NCOR2: variants seen among roughly 807,000 people sequenced by gnomAD.
NCOR2 encodes the protein CTG repeat protein 26.
NCOR2 carries 81 observed loss-of-function variants against 262.9 expected under a neutral mutation model. The observed-to-expected ratio is 0.31, with a 90% CI of 0.26 to 0.37. The LOEUF (loss-of-function observed/expected upper bound fraction) is 0.37, where lower values mean the gene tolerates loss of function less well. Among genes scored for constraint, NCOR2 ranks in the 10% least tolerant of loss-of-function variants. The pLI is 1.00. For synonymous variants in NCOR2, 1,659 were observed against 1,559.3 expected (o/e 1.06, Z -1.51); for missense variants, 3,385 against 3,621.4 (o/e 0.93, Z 1.68).
At chr12:124,474,583 A>C (rs1452695180) in intron 3 of NCOR2, among the ~76,000 whole-genome samples, 1 of 152,142 alleles carries the variant, frequency 6.6e-6, no homozygotes, top group Non-Finnish European at 1.5e-5. Flanking sequence ...CCCTGGGTTC[A>C]AATCCCAGCC....
At chr12:124,391,117 C>T (rs1321574417) in intron 16 of NCOR2, among the ~76,000 whole-genome samples, 2 of 152,250 alleles carry the variant, frequency 1.3e-5, no homozygotes, top group Non-Finnish European at 2.9e-5. Flanking sequence ...CCTGTGCTGC[C>T]GCTCAGATGC....
At chr12:124,500,925 G>T (rs963259589) in intron 1 of NCOR2, among the ~76,000 whole-genome samples, 2 of 152,116 alleles carry the variant, frequency 1.3e-5, no homozygotes, top group African/African-American at 4.8e-5. Context: ...GGGGCTCTGC[G>T]CCGCACGTGC....
chr12:124,479,929 C>T (rs1310003114), intron 3 of NCOR2, among the ~76,000 whole-genome samples: 2 of 152,226 alleles, frequency 1.3e-5, no homozygotes, highest in Admixed American at 6.5e-5. Context: ...ACCCAGCCTC[C>T]TTGGGCTGGG....
intron 1 of NCOR2, 75 bp downstream of exon 2, chr12:124,535,490 G>A (rs1294224045): frequency 6.6e-6 from 1 of 152,306 alleles, no homozygotes; most frequent in East Asian, 1.9e-4. Flanking sequence ...AGTAATTCCA[G>A]ACCCACTTCC....
intron 13 of NCOR2, 35 bp downstream of exon 15, chr12:124,419,922 C>G: frequency 1.3e-6 from 2 of 1,574,710 alleles, no homozygotes; most frequent in Non-Finnish European, 1.7e-6. Context: ...ATGCAGGGAG[C>G]CTGCAAGGAC....
intron 5 of NCOR2, among the ~76,000 whole-genome samples, chr12:124,461,431 C>A (rs1395793854): frequency 6.6e-6 from 1 of 152,248 alleles, no homozygotes; most frequent in Non-Finnish European, 1.5e-5. Context: ...AGCAGTGGCA[C>A]CCCTGCAGAG....
intron 37 of NCOR2, 45 bp downstream of exon 39, chr12:124,339,961 A>C: frequency 7.5e-7 from 1 of 1,342,118 alleles, no homozygotes; most frequent in South Asian, 1.2e-5. Flanking sequence ...CCTACTGACC[A>C]CCCATCCACC....
rs952490039 is a variant in NCOR2 at position 124,408,308 on chromosome 12, C to T, written c.1483-5747G>A. On this transcript the variant is annotated intron_variant, in intron 13 of 46. Transcript: ENST00000405201. The stretch of plus-strand genomic sequence containing the variant: ...GGCGGAGCTTGCAGTGAGCCAAGAT[C>T]GCGCCACTGCACTGCAGCCTGGGTG... 2.2e-4 allele frequency among the ~76,000 whole-genome samples: 34 copies of T among 151,482 alleles called. 1 individual carries two copies. The highest frequency in any genetic ancestry group is 7.8e-4 in the African/African-American group (32 of 41,164).
rs375419765 is a variant in NCOR2, at chr12:124,467,790, C to T, written c.592-1504G>A. On this transcript the variant is annotated intron_variant, in intron 4 of 46. Transcript: ENST00000405201. Reference sequence around the variant, plus strand: ...CCATCACCCTCATCATCCTTATCCTCATCACCCCCATCATCCTCATCCTTA... The same window carrying T: ...CCATCACCCTCATCATCCTTATCCTTATCACCCCCATCATCCTCATCCTTA... Among the ~76,000 whole-genome samples the T allele has an allele frequency of 4.2e-4, 34 of 80,410 alleles. 1 individual carries two copies. The highest frequency in any genetic ancestry group is 1.1e-3 in the East Asian group (2 of 1,828). The allele number at this position is 80,410 out of a possible 152,430, so 52.8% of individuals were successfully genotyped here.
At chr12:124,326,288 G>A (rs2034633131) in exon 46 of NCOR2, 1 of 1,566,918 alleles carries the variant, frequency 6.4e-7, no homozygotes, top group Non-Finnish European at 8.6e-7. Context: ...AGGGTGGCCG[G>A]TCCCCAGATG....
chr12:124,356,817 G>C, intron 22 of NCOR2, 35 bp from the exon 25 acceptor site: 4 of 1,440,004 alleles, frequency 2.8e-6, no homozygotes, highest in South Asian at 3.0e-5. Context: ...CTGAGGGCAG[G>C]AGGTGGGGCA....
At chr12:124,330,714 A>T in intron 44 of NCOR2, 131 bp downstream of exon 46, 2 of 968,046 alleles carry the variant, frequency 2.1e-6, no homozygotes, top group East Asian at 2.7e-5. Context: ...CTGTGCGGTT[A>T]GTTCATCCCA....
intron 1 of NCOR2, among the ~76,000 whole-genome samples, chr12:124,561,500 A>G (rs558654477): frequency 9.9e-5 from 15 of 152,264 alleles, no homozygotes; most frequent in Non-Finnish European, 1.8e-4. Flanking sequence ...TATCTAGAAC[A>G]TTCTCACCAA....
At chr12:124,346,900 TC>T in intron 30 of NCOR2, 50 bp from the exon 33 acceptor site, 4 of 1,443,804 alleles carry the variant, frequency 2.8e-6, no homozygotes, top group Non-Finnish European at 3.6e-6. Context: ...CCCAGACCCA[TC>T]AAGAGCCTCC....
rs551823150 is a variant in NCOR2, at chr12:124,337,360, T to A, written c.5688-180A>T. On this transcript the variant is annotated intron_variant, in intron 37 of 46. Transcript: ENST00000405201. The stretch of plus-strand genomic sequence containing the variant: ...GTCATGGTTTGACCCATCCCACTCA[T>A]TCGTTCATTCATTCCTTGCATCATT... 3.1e-5 allele frequency: 24 copies of A among 767,734 alleles called. No homozygotes were observed. The East Asian group carries it at 5.9e-4, about 19-fold the overall frequency. The allele number at this position is 767,734 out of a possible 1,614,324, so 47.6% of individuals were successfully genotyped here.
chr12:124,330,986 C>T, intron 43 of NCOR2, 88 bp from the exon 46 acceptor site: 1 of 1,357,364 alleles, frequency 7.4e-7, no homozygotes, highest in East Asian at 2.5e-5. Flanking sequence ...GCCAGGTGTG[C>T]TGGCATCACC....
chr12:124,333,911 CGGGT>C (rs1566353862), intron 41 of NCOR2, among the ~76,000 whole-genome samples: 38 of 34,848 alleles, frequency 1.1e-3, no homozygotes, highest in South Asian at 4.6e-3. Context: ...CGCATGTGTG[CGGGT>C]GTGCATGTGT....
intron 14 of NCOR2, 80 bp downstream of exon 16, chr12:124,402,324 T>C: frequency 6.3e-7 from 1 of 1,586,600 alleles, no homozygotes; most frequent in Non-Finnish European, 8.6e-7. Flanking sequence ...CACCCGTCTC[T>C]ACAAAGGGTC....
intron 4 of NCOR2, 72 bp from the exon 7 acceptor site, chr12:124,466,358 C>T (rs1485424940): frequency 2.1e-5 from 30 of 1,414,712 alleles, no homozygotes; most frequent in South Asian, 1.2e-4. Context: ...CCCCAGGGCG[C>T]GGGGAGGCCC....
Sources: allele counts gnomAD v4.1 joint callset (sites outside exome capture counted in the v4.1 genomes callset), GRCh38; gene constraint gnomAD v4.1.1; transcripts MANE v1.5; gene names NCBI Gene and HGNC (gene_info 2026-07-23, HGNC 2026-07-21).